The following PDE9A variants were observed in gnomAD, a reference collection of about 807,000 sequenced individuals.
The protein encoded by PDE9A is phosphodiesterase 9A.
PDE9A carries 60 observed loss-of-function variants against 87.4 expected under a neutral mutation model. That is an observed-to-expected ratio of 0.69 (90% CI 0.56 to 0.85). The LOEUF is 0.85. PDE9A is among the 40% of genes least tolerant of loss of function. The pLI is 0.00. For synonymous variants in PDE9A, 272 were observed against 279.4 expected (o/e 0.97, Z 0.27); for missense variants, 665 against 779.0 (o/e 0.85, Z 1.74).
At chr21:42,674,873 A>C (rs1283316600) in intron 1 of PDE9A, among the ~76,000 whole-genome samples, 2 of 152,252 alleles carry the variant, frequency 1.3e-5, no homozygotes, top group East Asian at 3.8e-4. Flanking sequence ...ATGTAAACGC[A>C]GTGCAGCATG....
chr21:42,735,793 A>G (rs1477665281), intron 7 of PDE9A, among the ~76,000 whole-genome samples: 3 of 152,200 alleles, frequency 2.0e-5, no homozygotes, highest in Non-Finnish European at 4.4e-5. Flanking sequence ...ATAAGGTCCC[A>G]TTCACAAGTT....
chr21:42,717,204 C>T (rs1322223736), intron 4 of PDE9A, among the ~76,000 whole-genome samples: 1 of 151,352 alleles, frequency 6.6e-6, no homozygotes, highest in African/African-American at 2.4e-5. Context: ...TATCCCTTCA[C>T]TCTAAAGCAT....
rs147605609 is a variant in PDE9A at position 42,741,460 on chromosome 21, A to T, written c.569-2316A>T. ...GACCTCAGGTACCCTGTGTTTCCCC[A>T]GCGGCAGCTCATCTGGACTCGGCCA... is the stretch of plus-strand genomic sequence containing the variant. On this transcript the variant is annotated intron_variant, in intron 7 of 19. Transcript: ENST00000291539. 110 of 152,360 alleles carry T rather than the reference A, an allele frequency of 7.2e-4. 2 individuals carry two copies. The East Asian group carries it at 0.016, about 22-fold the overall frequency. The allele number at this position is 152,360 out of a possible 1,614,324, so 9.4% of individuals were successfully genotyped here. A position where few individuals can be genotyped will look rare whatever the true frequency, so the allele number is the denominator to read the frequency against.
chr21:42,769,656 A>G (rs1226161372), intron 17 of PDE9A, among the ~76,000 whole-genome samples: 1 of 144,382 alleles, frequency 6.9e-6, no homozygotes, highest in African/African-American at 2.6e-5. Context: ...ACACACAGGC[A>G]CACATAGGCA....
intron 7 of PDE9A, among the ~76,000 whole-genome samples, chr21:42,737,650 G>A (rs2052603193): frequency 6.6e-6 from 1 of 152,164 alleles, no homozygotes; most frequent in Non-Finnish European, 1.5e-5. Flanking sequence ...TAGAGATGGG[G>A]TTCCGCCATG....
At position 42,723,908 on chromosome 21, in the gene PDE9A, T is replaced by C. The variant is rs187212064; in HGVS notation, c.263-7862T>C. ...CACTATCAACGTGAAATGACTTGAATAGGCTTTAATTTTTAAAATTCATTA... is the reference window on the plus strand; with the variant it reads ...CACTATCAACGTGAAATGACTTGAACAGGCTTTAATTTTTAAAATTCATTA... On this transcript the variant is annotated intron_variant, in intron 4 of 19. Coordinates refer to ENST00000291539, the MANE Select transcript of PDE9A (RefSeq NM_002606.3). This position sits in a 1 kb window ranked among gnomAD's most constrained non-coding sequence, Gnocchi z 4.3. 2.0e-5 allele frequency among the ~76,000 whole-genome samples: 3 copies of C among 152,352 alleles called. No homozygotes were observed. In the East Asian group the frequency reaches 5.8e-4, roughly 29 times the overall value.
In PDE9A at chr21:42,742,457, CTTTTTTTTTTTTTT is replaced by C. The variant is rs60925435; in HGVS notation, c.569-1306_569-1293del. Among the ~76,000 whole-genome samples, 3 of 71,524 alleles carry C rather than the reference CTTTTTTTTTTTTTT, an allele frequency of 4.2e-5. No homozygotes were observed. In the Admixed American group the frequency reaches 4.5e-4, roughly 11 times the overall value. 46.9% of individuals were successfully genotyped at this position (71,524 alleles called of 152,430 possible). The stretch of plus-strand genomic sequence containing the variant: ...AATCATAGGGAGTTGAAGCTGTCTG[CTTTTTTTTTTTTTT>C]TTTTTTTTTTTTGAGACAGAGTCTC... On this transcript the variant is annotated intron_variant, in intron 7 of 19. Coordinates refer to ENST00000291539, the MANE Select transcript of PDE9A (RefSeq NM_002606.3).
intron 1 of PDE9A, among the ~76,000 whole-genome samples, chr21:42,664,997 G>A (rs2057867477): frequency 6.6e-6 from 1 of 152,262 alleles, no homozygotes; most frequent in Non-Finnish European, 1.5e-5. Flanking sequence ...ACATCAAGAT[G>A]AGGTCATACT....
At chr21:42,742,829 T>C (rs1342782430) in intron 7 of PDE9A, among the ~76,000 whole-genome samples, 1 of 152,122 alleles carries the variant, frequency 6.6e-6, no homozygotes, top group Non-Finnish European at 1.5e-5. Flanking sequence ...AGCCAGTTTA[T>C]CTATCTGGGT....
At chr21:42,677,720 G>A (rs1023697566) in intron 1 of PDE9A, among the ~76,000 whole-genome samples, 3 of 152,054 alleles carry the variant, frequency 2.0e-5, no homozygotes, top group East Asian at 1.9e-4. Context: ...TTGGCTCACC[G>A]CAGTCTCCAC....
intron 10 of PDE9A, among the ~76,000 whole-genome samples, chr21:42,754,424 A>C (rs1191901488): frequency 6.6e-6 from 1 of 152,138 alleles, no homozygotes; most frequent in Non-Finnish European, 1.5e-5. Flanking sequence ...CCCTGCCAGG[A>C]GCAAATCTCT....
At chr21:42,709,606 G>C (rs1280101987) in intron 4 of PDE9A, among the ~76,000 whole-genome samples, 1 of 152,186 alleles carries the variant, frequency 6.6e-6, no homozygotes, top group Non-Finnish European at 1.5e-5. Context: ...GAGTTTCACG[G>C]AGTTGAAATC....
intron 4 of PDE9A, among the ~76,000 whole-genome samples, chr21:42,711,467 G>C (rs2049337387): frequency 1.3e-5 from 2 of 151,936 alleles, no homozygotes; most frequent in Non-Finnish European, 2.9e-5. Flanking sequence ...TGGCCAGGCT[G>C]GTCTTGAACT....
chr21:42,665,206 C>T (rs1242788725), intron 1 of PDE9A, among the ~76,000 whole-genome samples: 1 of 152,236 alleles, frequency 6.6e-6, no homozygotes, highest in Non-Finnish European at 1.5e-5. Flanking sequence ...AGAGGCAAGC[C>T]TCCTCCCTGG....
chr21:42,670,347 TACACAC>T (rs377130654), intron 1 of PDE9A, among the ~76,000 whole-genome samples: 59 of 103,292 alleles, frequency 5.7e-4, no homozygotes, highest in African/African-American at 3.3e-3. Flanking sequence ...CACATACATT[TACACAC>T]ACATCCACAC....
Position 42,731,209 on chromosome 21 carries a change from C to T in PDE9A, c.263-561C>T, listed in dbSNP as rs1186392219. Among the ~76,000 whole-genome samples the T allele has an allele frequency of 4.6e-5, 7 of 152,308 alleles. No individual in the cohort carries two copies. The East Asian group carries it at 1.2e-3, about 25-fold the overall frequency. On this transcript the variant is annotated intron_variant, in intron 4 of 19. Transcript: ENST00000291539. ...CCGACCTCAGGTGATCTGCCTGCCT[C>T]GGCCTCCCAAAGTGCTGGGATTACA...
At chr21:42,682,784 C>T (rs924994345) in intron 1 of PDE9A, among the ~76,000 whole-genome samples, 10 of 152,334 alleles carry the variant, frequency 6.6e-5, no homozygotes, top group Admixed American at 5.2e-4. Flanking sequence ...CCCTCAAGAG[C>T]GGTCACAGCC....
rs1016135427 is a variant in PDE9A, at chr21:42,761,039, C to G, written c.1085+132C>G. 3.8e-5 allele frequency: 26 copies of G among 689,246 alleles called. No homozygotes were observed. In the African/African-American group the frequency reaches 4.4e-4, roughly 12 times the overall value. 42.7% of individuals were successfully genotyped at this position (689,246 alleles called of 1,614,324 possible). On this transcript the variant is annotated intron_variant, in intron 13 of 19. Transcript: ENST00000291539. The stretch of plus-strand genomic sequence containing the variant: ...ACGGCCTCCCAGCCCCCAACTCTGC[C>G]TCCACTGACACAGCTCCTGGCTTCT...
intron 14 of PDE9A, among the ~76,000 whole-genome samples, chr21:42,764,771 T>C (rs1474526994): frequency 6.6e-6 from 1 of 152,226 alleles, no homozygotes; most frequent in Non-Finnish European, 1.5e-5. Context: ...AATAAATGCT[T>C]CACTAATAAC....
Sources: gnomAD v4.1 joint callset for allele counts (sites outside exome capture counted in the v4.1 genomes callset) on GRCh38, gnomAD v4.1.1 for gene constraint, Gnocchi (gnomAD v3.1) non-coding constraint, MANE v1.5 for transcripts, NCBI Gene and HGNC (gene_info 2026-07-23, HGNC 2026-07-21) for gene names.